AFM: variants seen among roughly 807,000 people sequenced by gnomAD.
AFM encodes alpha-Alb.
AFM carries 82 observed loss-of-function variants against 68.7 expected under a neutral mutation model. The observed-to-expected ratio is 1.19, with a 90% confidence interval of 1.00 to 1.43. The LOEUF is 1.43. AFM is among the 40% of genes most tolerant of loss of function. The pLI, the probability that AFM is intolerant of heterozygous loss-of-function variation, is 0.00. For missense variants in AFM, 772 were observed against 701.8 expected (o/e 1.10, Z -1.13); for synonymous variants, 250 against 234.2 (o/e 1.07, Z -0.61).
At chr4:73,499,706 C>T (rs908742828) in intron 11 of AFM, among the ~76,000 whole-genome samples, 3 of 152,022 alleles carry the variant, frequency 2.0e-5, no homozygotes, top group South Asian at 2.1e-4. Context: ...AGTGTTTGAT[C>T]GCCCCTTTCA....
rs1721355800 is a variant in AFM, at chr4:73,499,362, G to C, written c.1422+116G>C. 3 of 1,112,334 alleles carry C rather than the reference G, an allele frequency of 2.7e-6. No individual in the cohort carries two copies. The Admixed American group carries it at 1.2e-4, about 44-fold the overall frequency. 68.9% of individuals were successfully genotyped at this position (1,112,334 alleles called of 1,614,324 possible). On this transcript the variant is annotated intron_variant, in intron 11 of 14. Coordinates refer to ENST00000226355, the MANE Select transcript of AFM (RefSeq NM_001133.2). ...TTCCTTTCTTCACTGTTTTAATATTGTTAAGCAAAAATTGTCAAGTTTTCC... is the reference window on the plus strand; with the variant it reads ...TTCCTTTCTTCACTGTTTTAATATTCTTAAGCAAAAATTGTCAAGTTTTCC...
Position 73,501,872 on chromosome 4 carries a change from G to C in AFM, c.1732G>C (p.Asp578His), listed in dbSNP as rs2149347472. 6.2e-7 allele frequency: 1 copy of C among 1,613,562 alleles called. No individual in the cohort carries two copies. The change falls in exon 13 of 15, where the codon GAT (aspartate) becomes CAT (histidine). Residue 578 changes from aspartate to histidine, a missense_variant. By Grantham distance (81) the Asp-to-His change is moderately conservative (BLOSUM62 -1). Coordinates refer to ENST00000226355, the MANE Select transcript of AFM (RefSeq NM_001133.2). ...GTTTACAAATTTCGCAAATGTAGTG[G>C]ATAAGTGCTGCAAAGCAGAGAGTCC... The part of the protein sequence containing the change: ...SLFTNFANVV[D>H]KCCKAESPEV...
chr4:73,485,786 A>G, intron 3 of AFM, 76 bp from the exon 4 acceptor site: 1 of 1,180,686 alleles, frequency 8.5e-7, no homozygotes, highest in Non-Finnish European at 1.2e-6. Context: ...AAAATTAGTC[A>G]TTGTGTTTTC....
At chr4:73,495,873 C>G (rs1324188769) in intron 9 of AFM, among the ~76,000 whole-genome samples, 2 of 152,066 alleles carry the variant, frequency 1.3e-5, no homozygotes, top group Non-Finnish European at 2.9e-5. Flanking sequence ...TACAAAGAAC[C>G]CTTTTCTGAT....
rs926882177 is a variant in AFM at position 73,499,220 on chromosome 4, G to A, written c.1396G>A (p.Glu466Lys). 6.2e-7 allele frequency: 1 copy of A among 1,611,428 alleles called. No homozygotes were observed. Among genetic ancestry groups the A allele is most frequent in the Non-Finnish European group, 8.5e-7 (1 of 1,178,682 alleles). Residue 466 changes from glutamate (E) to lysine (K), a missense_variant, in exon 11 of 15, where the codon GAA (glutamate) becomes AAA (lysine). Glu to Lys is a moderately conservative substitution (Grantham distance 56). Transcript: ENST00000226355. ...TTTCACTACTTGCTGTACGCTAAGT[G>A]AAGAGTTTGCCTGTGTTGATAATTT... Reference protein sequence around the residue: ...TAFTTCCTLSEEFACVDNLAD... With the variant: ...TAFTTCCTLSKEFACVDNLAD...
At position 73,489,198 on chromosome 4, in the gene AFM, G is replaced by T. The variant is rs142428172; in HGVS notation, c.843+439G>T. ...CAGGTATAGTCCTTCCAAATAAGTG[G>T]ATACATTAATTTAACTTTTCTTTTC... is the stretch of plus-strand genomic sequence containing the variant. On this transcript the variant is annotated intron_variant, in intron 7 of 14. Coordinates refer to ENST00000226355, the MANE Select transcript of AFM (RefSeq NM_001133.2). 7.9e-3 allele frequency among the ~76,000 whole-genome samples: 1,204 copies of T among 152,106 alleles called. 12 individuals are homozygous for T. The highest frequency in any genetic ancestry group is 0.027 in the African/African-American group (1,133 of 41,496).
intron 6 of AFM, 25 bp downstream of exon 6, chr4:73,487,846 T>A: frequency 6.9e-7 from 1 of 1,448,282 alleles, no homozygotes; most frequent in Non-Finnish European, 9.7e-7. Context: ...ATATGTCTTG[T>A]CTCTGCTTGC....
At chr4:73,495,211 G>A (rs41265661) in intron 8 of AFM, 89 bp from the exon 9 acceptor site, 171 of 1,258,714 alleles carry the variant, frequency 1.4e-4, no homozygotes, top group Non-Finnish European at 1.7e-4. Context: ...AGCAGAGTCA[G>A]TATTAGATCT....
intron 8 of AFM, among the ~76,000 whole-genome samples, chr4:73,493,246 G>A (rs1191843771): frequency 2.6e-5 from 4 of 152,148 alleles, no homozygotes; most frequent in African/African-American, 9.7e-5. Flanking sequence ...GCCACTGAAT[G>A]GTTTTAATGG....
At chr4:73,500,418 G>T (rs1487066503) in intron 12 of AFM, among the ~76,000 whole-genome samples, 191 bp downstream of exon 12, 2 of 151,466 alleles carry the variant, frequency 1.3e-5, no homozygotes, top group Admixed American at 6.6e-5. Context: ...TATCTAGCTT[G>T]TCTTTTCATT....
At chr4:73,490,030 T>TA (rs998468840) in intron 7 of AFM, among the ~76,000 whole-genome samples, 1 of 151,938 alleles carries the variant, frequency 6.6e-6, no homozygotes, top group African/African-American at 2.4e-5. Context: ...ATAATTTTAT[T>TA]AAAAAAATAA....
At chr4:73,489,131 A>T (rs959169335) in intron 7 of AFM, among the ~76,000 whole-genome samples, 1 of 152,196 alleles carries the variant, frequency 6.6e-6, no homozygotes, top group Non-Finnish European at 1.5e-5. Context: ...TGTTAACATT[A>T]TGTTTTTAAG....
chr4:73,499,986 C>T lies in AFM; in HGVS notation c.1423-18C>T, dbSNP rs758895488. On this transcript the variant is annotated intron_variant, in intron 11 of 14. Transcript: ENST00000226355. ...AAGTTTTAAGATCGTATCTCAGTTGCAACTCTTGTTGGTACAGGCAGATTT... is the reference window on the plus strand; with the variant it reads ...AAGTTTTAAGATCGTATCTCAGTTGTAACTCTTGTTGGTACAGGCAGATTT... 95 of 1,601,242 alleles carry T rather than the reference C, an allele frequency of 5.9e-5. No individual in the cohort carries two copies. The highest frequency in any genetic ancestry group is 7.8e-5 in the Non-Finnish European group (91 of 1,169,220).
At position 73,488,665 on chromosome 4, in the gene AFM, T is replaced by C. The variant is rs377323927; in HGVS notation, c.749T>C (p.Ile250Thr). ...ATACTCAGTCAAAAATTCCCCAAGA[T>C]TGAATTTAAGGAGCTTATTTCTCTT... ...IAILSQKFPK[I>T]EFKELISLVE... Residue 250 changes from isoleucine (I) to threonine (T), a missense_variant, in exon 7 of 15, where the codon ATT (isoleucine) becomes ACT (threonine). Ile to Thr is a moderately conservative substitution (Grantham distance 89, BLOSUM62 -1). Coordinates refer to ENST00000226355, the MANE Select transcript of AFM (RefSeq NM_001133.2). 13 of 1,611,840 alleles carry C rather than the reference T, an allele frequency of 8.1e-6. No homozygotes were observed. Among genetic ancestry groups the C allele is most frequent in the Admixed American group, 6.7e-5 (4 of 59,474 alleles).
chr4:73,499,259 T>TG lies in AFM; in HGVS notation c.1422+14dup. The TG allele has an allele frequency of 6.3e-7, 1 of 1,579,326 alleles. No homozygotes were observed. Among genetic ancestry groups the TG allele is most frequent in the Non-Finnish European group, 8.6e-7 (1 of 1,163,460 alleles). ...TGTTGATAATTTGGTGAGCATGGCC[T>TG]GTGTACCAGACTACTCTTTTTTTTT... On this transcript the variant is annotated intron_variant, in intron 11 of 14. Coordinates refer to ENST00000226355, the MANE Select transcript of AFM (RefSeq NM_001133.2).
At chr4:73,494,060 G>GGTGT (rs60080861) in intron 8 of AFM, among the ~76,000 whole-genome samples, 3,514 of 147,770 alleles carry the variant, frequency 0.024, 36 homozygotes, top group Non-Finnish European at 0.029. Context: ...CATGTTTTTA[G>GGTGT]GTGTGTGTGT....
chr4:73,486,310 G>A (rs935030659), intron 4 of AFM, among the ~76,000 whole-genome samples: 12 of 152,186 alleles, frequency 7.9e-5, no homozygotes, highest in African/African-American at 2.9e-4. Flanking sequence ...TAATTGGTAA[G>A]TCCTAGAGCA....
chr4:73,491,787 A>G, intron 7 of AFM, 85 bp from the exon 8 acceptor site: 1 of 1,089,288 alleles, frequency 9.2e-7, no homozygotes. Flanking sequence ...TGCTGCGATC[A>G]TGACTGGTTT....
intron 12 of AFM, 63 bp from the exon 13 acceptor site, chr4:73,501,724 T>A: frequency 6.5e-7 from 1 of 1,528,602 alleles, no homozygotes; most frequent in South Asian, 1.2e-5. Context: ...ACAAGCATTT[T>A]GGAGTAGAGA....
Sources: gnomAD v4.1 joint callset for allele counts (sites outside exome capture counted in the v4.1 genomes callset) on GRCh38, gnomAD v4.1.1 for gene constraint, MANE v1.5 for transcripts, NCBI Gene and HGNC (gene_info 2026-07-23, HGNC 2026-07-21) for gene names.